Variants in ZGRF1 observed in about 807,000 individuals in gnomAD.
ZGRF1 encodes the protein 5'-3' DNA helicase ZGRF1.
Under a neutral mutation model 203.5 loss-of-function variants are expected in ZGRF1, and 196 were observed. The observed-to-expected ratio is 0.96, with a 90% confidence interval of 0.86 to 1.08. ZGRF1 has a LOEUF of 1.08. Ranked by LOEUF, ZGRF1 falls within the 50% of genes least tolerant of loss-of-function variation. ZGRF1 has a pLI of 0.00. For missense variants in ZGRF1, 2,326 were observed against 2,416.3 expected, an observed-to-expected ratio of 0.96 and a Z score of 0.78; for synonymous variants, 809 against 841.3, an observed-to-expected ratio of 0.96 and a Z score of 0.66.
chr4:112,582,543 C>T (rs1354375336), intron 15 of ZGRF1, among the ~76,000 whole-genome samples: 1 of 152,132 alleles, frequency 6.6e-6, no homozygotes, highest in Non-Finnish European at 1.5e-5. Context: ...ACCTCCACCT[C>T]CTTGGGCTCA....
At chr4:112,606,761 A>C (rs1750833015) in intron 8 of ZGRF1, among the ~76,000 whole-genome samples, 1 of 152,228 alleles carries the variant, frequency 6.6e-6, no homozygotes, top group South Asian at 2.1e-4. Context: ...AAAATTAGTA[A>C]GAAATGAAAG....
At position 112,619,022 on chromosome 4, in the gene ZGRF1, AG is replaced by A. The variant is rs780514414; in HGVS notation, c.1019del (p.Ser340PhefsTer4). The A allele has an allele frequency of 2.0e-5, 32 of 1,613,882 alleles. No individual in the cohort carries two copies. Among genetic ancestry groups the A allele is most frequent in the Non-Finnish European group, 2.5e-5 (29 of 1,179,936 alleles). On this transcript the variant is annotated frameshift_variant, in exon 6 of 28. Coordinates refer to ENST00000505019, the MANE Select transcript of ZGRF1 (RefSeq NM_018392.5). LOFTEE classifies it high-confidence loss of function. ...YLSSQSSPIH[S>X]STVDGNDTER... ...CTGTATCATTCCCATCTACAGTAGA[AG>A]AATGTATAGGTGAACTCTGTGAGGA...
chr4:112,612,492 A>G, intron 7 of ZGRF1, 32 bp downstream of exon 7: 1 of 1,415,984 alleles, frequency 7.1e-7, no homozygotes, highest in South Asian at 1.2e-5. Context: ...ATCAAAATAA[A>G]AAAAACATAC....
At chr4:112,589,701 T>C in intron 11 of ZGRF1, 23 bp downstream of exon 11, 1 of 1,606,176 alleles carries the variant, frequency 6.2e-7, no homozygotes, top group Non-Finnish European at 8.5e-7. Flanking sequence ...AGACAGATAT[T>C]AGAGCAATGT....
intron 16 of ZGRF1, among the ~76,000 whole-genome samples, chr4:112,575,619 C>G (rs961755112): frequency 2.6e-5 from 4 of 152,196 alleles, no homozygotes; most frequent in African/African-American, 9.7e-5. Context: ...AACAGCACAC[C>G]AGGATATTAT....
intron 20 of ZGRF1, 71 bp from the exon 21 acceptor site, chr4:112,554,853 TTAC>T: frequency 4.0e-6 from 3 of 743,482 alleles, no homozygotes; most frequent in South Asian, 1.9e-5. Context: ...ATAATAACTG[TTAC>T]TACAACTAAT....
intron 3 of ZGRF1, among the ~76,000 whole-genome samples, chr4:112,624,392 G>C (rs1560882094): frequency 6.6e-6 from 1 of 151,932 alleles, no homozygotes; most frequent in East Asian, 1.9e-4. Flanking sequence ...CAGGTGACAG[G>C]GTTGCAGTGA....
chr4:112,553,609 C>A (rs1363841479), intron 22 of ZGRF1, among the ~76,000 whole-genome samples: 1 of 152,200 alleles, frequency 6.6e-6, no homozygotes, highest in African/African-American at 2.4e-5. Flanking sequence ...ATGACTCGGT[C>A]ATGGTGAGTT....
intron 16 of ZGRF1, among the ~76,000 whole-genome samples, chr4:112,565,739 T>G (rs1001334860): frequency 2.0e-5 from 3 of 151,966 alleles, no homozygotes; most frequent in African/African-American, 7.3e-5. Flanking sequence ...AAAAAACACA[T>G]GAAAAAATGC....
At chr4:112,548,672 C>T (rs1739312103) in intron 22 of ZGRF1, among the ~76,000 whole-genome samples, 1 of 150,820 alleles carries the variant, frequency 6.6e-6, no homozygotes, top group African/African-American at 2.4e-5. Context: ...TGTTAAACAT[C>T]TAGGATGACG....
At chr4:112,607,017 A>G (rs1261273431) in intron 8 of ZGRF1, among the ~76,000 whole-genome samples, 1 of 152,246 alleles carries the variant, frequency 6.6e-6, no homozygotes, top group African/African-American at 2.4e-5. Context: ...ATAAAGTAGT[A>G]TATTTCTTCA....
At chr4:112,552,900 T>C (rs76975421) in intron 22 of ZGRF1, among the ~76,000 whole-genome samples, 1 of 152,202 alleles carries the variant, frequency 6.6e-6, no homozygotes, top group African/African-American at 2.4e-5. Context: ...TGTGTTTCTG[T>C]GATCTGTCCT....
At chr4:112,617,110 A>T (rs2149150668) in intron 6 of ZGRF1, among the ~76,000 whole-genome samples, 1 of 152,254 alleles carries the variant, frequency 6.6e-6, no homozygotes, top group Middle Eastern at 3.4e-3. Flanking sequence ...AGATTGACAT[A>T]TACACACACA....
At chr4:112,607,302 A>T (rs1400871164) in intron 8 of ZGRF1, among the ~76,000 whole-genome samples, 1 of 152,014 alleles carries the variant, frequency 6.6e-6, no homozygotes, top group Non-Finnish European at 1.5e-5. Context: ...ATTTTTATTT[A>T]AAAAAATTTT....
At chr4:112,567,999 A>C (rs1743454763) in intron 16 of ZGRF1, among the ~76,000 whole-genome samples, 1 of 152,164 alleles carries the variant, frequency 6.6e-6, no homozygotes, top group African/African-American at 2.4e-5. Flanking sequence ...GGAAAAATAT[A>C]ATTGATAAAT....
intron 16 of ZGRF1, 110 bp downstream of exon 16, chr4:112,581,553 A>T: frequency 1.9e-6 from 1 of 516,270 alleles, no homozygotes; most frequent in Non-Finnish European, 2.9e-6. Flanking sequence ...CTATTAAATT[A>T]TACTTTTAAA....
chr4:112,619,773 A>T, intron 5 of ZGRF1, 83 bp from the exon 6 acceptor site: 1 of 1,174,402 alleles, frequency 8.5e-7, no homozygotes, highest in South Asian at 1.6e-5. Context: ...AAAAAAGGAG[A>T]AGGATTGTTT....
Position 112,559,431 on chromosome 4 carries a change from C to T in ZGRF1, c.4961-1122G>A, listed in dbSNP as rs1349295910. ...CCCAGGCTGACCTTGAACTCCTGAGCTTAAGCGAGCTACCCTCCCTGACCT... is the reference window on the plus strand; with the variant it reads ...CCCAGGCTGACCTTGAACTCCTGAGTTTAAGCGAGCTACCCTCCCTGACCT... On this transcript the variant is annotated intron_variant, in intron 19 of 27. Transcript: ENST00000505019. 4.6e-5 allele frequency among the ~76,000 whole-genome samples: 7 copies of T among 152,280 alleles called. No homozygotes were observed. In the South Asian group the frequency reaches 1.4e-3, roughly 32 times the overall value.
chr4:112,586,763 T>C (rs951689497), intron 12 of ZGRF1, among the ~76,000 whole-genome samples, 180 bp from the exon 13 acceptor site: 4 of 152,214 alleles, frequency 2.6e-5, no homozygotes, highest in Non-Finnish European at 5.9e-5. Flanking sequence ...TAGCTACGAA[T>C]GGCAATTTTA....
Sources: gnomAD v4.1 joint callset for allele counts (sites outside exome capture counted in the v4.1 genomes callset) on GRCh38, gnomAD v4.1.1 for gene constraint, MANE v1.5 for transcripts, NCBI Gene and HGNC (gene_info 2026-07-23, HGNC 2026-07-21) for gene names.